Variants in PKNOX1 observed in about 807,000 individuals in gnomAD.
The protein encoded by PKNOX1 is PBX/knotted 1 homeobox 1.
Under a neutral mutation model 51.9 loss-of-function variants are expected in PKNOX1, and 15 were observed. That is an observed-to-expected ratio of 0.29 (90% CI 0.19 to 0.45). The LOEUF (loss-of-function observed/expected upper bound fraction) is 0.45, where lower values mean the gene tolerates loss of function less well. PKNOX1 is among the 20% of genes least tolerant of loss of function. The pLI, the probability that PKNOX1 is intolerant of heterozygous loss-of-function variation, is 1.00. For synonymous variants in PKNOX1, 219 were observed against 211.1 expected (o/e 1.04, Z -0.32); for missense variants, 462 against 547.5 (o/e 0.84, Z 1.56).
intron 1 of PKNOX1, among the ~76,000 whole-genome samples, chr21:42,979,708 C>T (rs943705543): frequency 2.0e-5 from 3 of 151,994 alleles, no homozygotes; most frequent in African/African-American, 7.3e-5. Flanking sequence ...CGCCACTGCA[C>T]TCCAGCCTGG....
intron 8 of PKNOX1, 90 bp from the exon 9 acceptor site, chr21:43,024,781 A>G: frequency 1.3e-6 from 1 of 791,370 alleles, no homozygotes; most frequent in Non-Finnish European, 2.2e-6. Flanking sequence ...TTATTTTCTA[A>G]TGATTATGTA....
At chr21:42,990,198 G>A (rs2059079243) in intron 1 of PKNOX1, among the ~76,000 whole-genome samples, 1 of 152,012 alleles carries the variant, frequency 6.6e-6, no homozygotes, top group South Asian at 2.1e-4. Flanking sequence ...GGTGGTGGTT[G>A]CAGTGAGCCG....
In PKNOX1 at chr21:42,984,974, C is replaced by CTTTTTTTTT. The variant is rs71195904; in HGVS notation, c.-57+10329_-57+10337dup. ...GGGTTAGGGTTCCTCATTTTCTTTT[C>CTTTTTTTTT]TTTTTTTTTTTTTTTTTTTTTTTTT... On this transcript the variant is annotated intron_variant, in intron 1 of 10. Coordinates refer to ENST00000291547, the MANE Select transcript of PKNOX1 (RefSeq NM_004571.5). 3.3e-4 allele frequency among the ~76,000 whole-genome samples: 19 copies of CTTTTTTTTT among 57,996 alleles called. 1 individual carries two copies. The highest frequency in any genetic ancestry group is 3.8e-4 in the Non-Finnish European group (13 of 33,920). The allele number at this position is 57,996 out of a possible 152,430, so 38.0% of individuals were successfully genotyped here. A position where few individuals can be genotyped will look rare whatever the true frequency, so the allele number is the denominator to read the frequency against.
chr21:42,986,374 G>T (rs370205292), intron 1 of PKNOX1, among the ~76,000 whole-genome samples: 1 of 152,116 alleles, frequency 6.6e-6, no homozygotes, highest in Non-Finnish European at 1.5e-5. Flanking sequence ...GGTGGCAGGT[G>T]CCTGTAATCC....
intron 5 of PKNOX1, among the ~76,000 whole-genome samples, chr21:43,014,228 A>G (rs1979385011): frequency 6.6e-6 from 1 of 151,962 alleles, no homozygotes. Flanking sequence ...TCACCGTATT[A>G]GCCAGGATGG....
rs888941783 is a variant in PKNOX1 at position 43,008,481 on chromosome 21, T to G, written c.179+863T>G. On this transcript the variant is annotated intron_variant, in intron 3 of 10. Transcript: ENST00000291547. ...TTTTCCTGGGAATGTCAGACTTGTT[T>G]AGTATTTAAAAGTCTGCCAGGCGCA... Among the ~76,000 whole-genome samples, 5 of 152,222 alleles carry G rather than the reference T, an allele frequency of 3.3e-5. No individual in the cohort carries two copies. The East Asian group carries it at 5.8e-4, about 18-fold the overall frequency.
intron 3 of PKNOX1, among the ~76,000 whole-genome samples, chr21:43,009,286 G>A (rs234779): frequency 0.9 from 136,246 of 151,646 alleles, 61,327 homozygotes; most frequent in African/African-American, 0.91. Flanking sequence ...TGTCTCTAAA[G>A]ATACAAAATT....
intron 7 of PKNOX1, among the ~76,000 whole-genome samples, chr21:43,019,412 A>C (rs1240620804): frequency 6.6e-6 from 1 of 150,590 alleles, no homozygotes; most frequent in Non-Finnish European, 1.5e-5. Context: ...AAATAAACAA[A>C]AAAAAAACAC....
Position 43,004,373 on chromosome 21 carries a change from T to C in PKNOX1, c.-9T>C. 6.3e-7 allele frequency: 1 copy of C among 1,594,246 alleles called. No homozygotes were observed. The highest frequency in any genetic ancestry group is 8.6e-7 in the Non-Finnish European group (1 of 1,162,058). On this transcript the variant is annotated 5_prime_UTR_variant, in exon 2 of 11. Transcript: ENST00000291547. ...GATGATTTGATGTCTTATAAAACTC[T>C]GATGAACCATGATGGCTACACAGAC... is the stretch of plus-strand genomic sequence containing the variant.
chr21:42,982,687 C>T (rs1402409520), intron 1 of PKNOX1, among the ~76,000 whole-genome samples: 11 of 148,592 alleles, frequency 7.4e-5, no homozygotes, highest in African/African-American at 1.2e-4. Context: ...GCTGAGATCG[C>T]GCCATTGCAC....
intron 1 of PKNOX1, among the ~76,000 whole-genome samples, chr21:42,996,207 A>G: frequency 6.6e-6 from 1 of 152,208 alleles, no homozygotes; most frequent in Admixed American, 6.5e-5. Context: ...ACCTTGTCTC[A>G]GAAAAGCAAG....
intron 2 of PKNOX1, 118 bp from the exon 3 acceptor site, chr21:43,007,373 T>C: frequency 3.5e-6 from 3 of 868,798 alleles, no homozygotes; most frequent in Non-Finnish European, 3.8e-6. Flanking sequence ...TCTTTACATA[T>C]GATTGCAGTC....
chr21:42,992,185 G>A lies in PKNOX1; in HGVS notation c.-56-12141G>A, dbSNP rs369178554. ...GCCGTAATTCATAGGTTGAATTGAT[G>A]TAATTCACTGTTGCAGGCACCAGAG... On this transcript the variant is annotated intron_variant, in intron 1 of 10. Transcript: ENST00000291547. 5.3e-5 allele frequency among the ~76,000 whole-genome samples: 8 copies of A among 152,338 alleles called. No homozygotes were observed. The South Asian group carries it at 6.2e-4, about 12-fold the overall frequency.
At chr21:43,016,621 G>A (rs1729745891) in intron 5 of PKNOX1, among the ~76,000 whole-genome samples, 1 of 152,214 alleles carries the variant, frequency 6.6e-6, no homozygotes, top group African/African-American at 2.4e-5. Context: ...ATATACTCCT[G>A]GGCTGTAAGG....
chr21:43,028,582 CTT>C, intron 9 of PKNOX1, 118 bp from the exon 10 acceptor site: 1 of 877,226 alleles, frequency 1.1e-6, no homozygotes, highest in South Asian at 1.6e-5. Flanking sequence ...TAGTGGAGAA[CTT>C]GAGTCATTCT....
chr21:43,003,400 C>T (rs569577104), intron 1 of PKNOX1, among the ~76,000 whole-genome samples: 4 of 152,332 alleles, frequency 2.6e-5, no homozygotes, highest in South Asian at 2.1e-4. Context: ...AAGTGCGCCA[C>T]ACTTGCCTGT....
intron 1 of PKNOX1, among the ~76,000 whole-genome samples, chr21:42,999,444 G>A (rs913538021): frequency 2.6e-5 from 4 of 152,080 alleles, no homozygotes; most frequent in African/African-American, 9.7e-5. Flanking sequence ...AATTTATGCA[G>A]CCAGCTTGAA....
At position 43,010,998 on chromosome 21, in the gene PKNOX1, T is replaced by TGTGTCTGTCCTTGGCTTATCA. The variant is rs537716213; in HGVS notation, c.351+775_351+795dup. On this transcript the variant is annotated intron_variant, in intron 4 of 10. Coordinates refer to ENST00000291547, the MANE Select transcript of PKNOX1 (RefSeq NM_004571.5). ...GTGTTCGGGTGGCATGTCTGTGACC[T>TGTGTCTGTCCTTGGCTTATCA]GTGTCTGTCCTTGGCTTATCATGGA... 3.2e-4 allele frequency among the ~76,000 whole-genome samples: 49 copies of TGTGTCTGTCCTTGGCTTATCA among 152,134 alleles called. No individual in the cohort carries two copies. In the East Asian group the frequency reaches 8.7e-3, roughly 27 times the overall value.
rs1023400653 is a variant in PKNOX1, at chr21:43,030,276, TGTGTGTGTGTGTGTGTGC to T, written c.*183_*200del. The T allele has an allele frequency of 1.9e-5, 5 of 267,636 alleles. No homozygotes were observed. Among genetic ancestry groups the T allele is most frequent in the East Asian group, 3.6e-5 (1 of 27,436 alleles). The allele number at this position is 267,636 out of a possible 1,614,324, so 16.6% of individuals were successfully genotyped here. On this transcript the variant is annotated 3_prime_UTR_variant, in exon 11 of 11. Coordinates refer to ENST00000291547, the MANE Select transcript of PKNOX1 (RefSeq NM_004571.5). ...CTTCTTTCAAGTGTGTGTGTGTGTG[TGTGTGTGTGTGTGTGTGC>T]GTGTGTGCGTGTGTGTGGATTTTTA... is the stretch of plus-strand genomic sequence containing the variant.
Sources: gnomAD v4.1 joint callset for allele counts (sites outside exome capture counted in the v4.1 genomes callset) on GRCh38, gnomAD v4.1.1 for gene constraint, MANE v1.5 for transcripts, NCBI Gene and HGNC (gene_info 2026-07-23, HGNC 2026-07-21) for gene names.